Variants in YARS1 observed in about 807,000 individuals in gnomAD.
YARS1 encodes tyrosyl-tRNA synthetase 1, also known as tyrosine--tRNA ligase, cytoplasmic.
A neutral mutation model predicts 62.2 loss-of-function variants in YARS1; 36 were observed. The ratio of observed to expected loss-of-function variants is 0.58; its 90% CI spans 0.44 to 0.76. YARS1 has a LOEUF of 0.76. YARS1 is among the 30% of genes least tolerant of loss of function. The pLI, the probability that YARS1 is intolerant of heterozygous loss-of-function variation, is 0.00. For missense variants in YARS1, 524 were observed against 639.8 expected (o/e 0.82, Z 1.95); for synonymous variants, 234 against 244.9 (o/e 0.96, Z 0.42).
At chr1:32,804,993 C>G (rs1016156609) in intron 4 of YARS1, among the ~76,000 whole-genome samples, 4 of 152,124 alleles carry the variant, frequency 2.6e-5, no homozygotes, top group Admixed American at 6.5e-5. Flanking sequence ...CACCTCGGGA[C>G]GCCGAGGCGG....
chr1:32,787,742 T>G (rs1653282358), intron 6 of YARS1, among the ~76,000 whole-genome samples: 1 of 151,848 alleles, frequency 6.6e-6, no homozygotes. Context: ...CTCGATCTCC[T>G]GACCTCGTGA....
At chr1:32,791,647 C>G (rs149810034) in intron 5 of YARS1, among the ~76,000 whole-genome samples, 1 of 151,950 alleles carries the variant, frequency 6.6e-6, no homozygotes, top group African/African-American at 2.4e-5. Flanking sequence ...ACTAAGAATA[C>G]AAAAATTAGC....
chr1:32,790,513 CAAAAAAAAAAAAAA>C (rs35718370), intron 6 of YARS1: 2 of 65,560 alleles, frequency 3.1e-5, no homozygotes, highest in East Asian at 5.2e-4. Flanking sequence ...GACTCCATCT[CAAAAAAAAAAAAAA>C]AAAAAAAAAA....
chr1:32,816,982 G>GGT, intron 1 of YARS1: 1 of 651,648 alleles, frequency 1.5e-6, no homozygotes, highest in Non-Finnish European at 2.7e-6. Context: ...GGACGCAAGA[G>GGT]GTGAGCCCAC....
chr1:32,798,171 C>T (rs979030033), intron 4 of YARS1: 2 of 337,856 alleles, frequency 5.9e-6, no homozygotes, highest in African/African-American at 4.3e-5. Flanking sequence ...CATGCCCAGC[C>T]TAAACATCTA....
At chr1:32,797,333 C>T (rs1653637406) in intron 5 of YARS1, among the ~76,000 whole-genome samples, 1 of 151,858 alleles carries the variant, frequency 6.6e-6, no homozygotes, top group Admixed American at 6.6e-5. Context: ...GACCGCATTA[C>T]TGCACTCTGG....
chr1:32,806,698 C>T, intron 3 of YARS1, 87 bp from the exon 4 acceptor site: 1 of 1,579,316 alleles, frequency 6.3e-7, no homozygotes, highest in Non-Finnish European at 8.7e-7. Flanking sequence ...AATTTACTTC[C>T]CTAACCTTAG....
intron 4 of YARS1, among the ~76,000 whole-genome samples, chr1:32,801,391 C>T (rs1018203987): frequency 1.3e-5 from 2 of 151,936 alleles, no homozygotes; most frequent in African/African-American, 4.8e-5. Flanking sequence ...TGTGTAATAG[C>T]GTTACATCTA....
In YARS1 at chr1:32,780,276, G is replaced by A. The variant is rs139745541; in HGVS notation, c.1143C>T (p.His381=). ...RVGKIITVEK[H]PDADSLYVEK... ...CTACATACAGGCTGTCTGCATCTGG[G>A]TGCTGCCAGGGAGAGACGTCAGGAG... The change falls in exon 11 of 13, where the codon CAC becomes CAT. Residue 381 remains histidine, a splice_region_variant and synonymous_variant. Transcript: ENST00000373477. 22 of 1,613,954 alleles carry A rather than the reference G, an allele frequency of 1.4e-5. No individual in the cohort carries two copies. In the Admixed American group the frequency reaches 2.5e-4, roughly 18 times the overall value.
At chr1:32,778,478 G>A (rs1251117130) in intron 12 of YARS1, among the ~76,000 whole-genome samples, 1 of 150,768 alleles carries the variant, frequency 6.6e-6, no homozygotes, top group East Asian at 2.0e-4. Flanking sequence ...GCGTGATCTC[G>A]GCTCACTGCA....
At chr1:32,787,512 ATT>A (rs5773386) in intron 6 of YARS1, among the ~76,000 whole-genome samples, 20 of 142,490 alleles carry the variant, frequency 1.4e-4, no homozygotes, top group African/African-American at 1.6e-4. Context: ...ATAAATAAAG[ATT>A]TTTTTTTTTT....
chr1:32,787,352 T>C (rs1653263848), intron 6 of YARS1, among the ~76,000 whole-genome samples: 1 of 151,632 alleles, frequency 6.6e-6, no homozygotes, highest in African/African-American at 2.4e-5. Flanking sequence ...GTCTCAAACT[T>C]CTGGGCTCAA....
intron 12 of YARS1, among the ~76,000 whole-genome samples, chr1:32,778,698 C>T (rs1261844765): frequency 4.7e-5 from 7 of 148,794 alleles, no homozygotes; most frequent in Middle Eastern, 3.8e-3. Context: ...TGAGCCACCA[C>T]GCCCGGCCAA....
At position 32,797,802 on chromosome 1, in the gene YARS1, T is replaced by TCCC. The variant is rs766669287; in HGVS notation, c.551_552insGGG (p.Gly185dup). 6.2e-7 allele frequency: 1 copy of TCCC among 1,614,132 alleles called. No individual in the cohort carries two copies. Among genetic ancestry groups the TCCC allele is most frequent in the Non-Finnish European group, 8.5e-7 (1 of 1,180,016 alleles). On this transcript the variant is annotated inframe_insertion, in exon 5 of 13. Transcript: ENST00000373477. Reference sequence around the variant, plus strand: ...TGAAAATCTTTCTCTGATCAATGCCTCCAAATTGGGCATCTACTTTTAAAT... The same window carrying TCCC: ...TGAAAATCTTTCTCTGATCAATGCCTCCCCCAAATTGGGCATCTACTTTTAAAT...
chr1:32,811,196 G>T (rs1638577372), intron 1 of YARS1, 139 bp from the exon 2 acceptor site: 4 of 1,241,928 alleles, frequency 3.2e-6, no homozygotes, highest in Non-Finnish European at 4.7e-6. Context: ...CATGTTCTCA[G>T]TGCAGATGTG....
chr1:32,792,676 C>T (rs1053642200), intron 5 of YARS1, among the ~76,000 whole-genome samples: 2 of 151,856 alleles, frequency 1.3e-5, no homozygotes, highest in African/African-American at 2.4e-5. Flanking sequence ...GTCAGGAGAT[C>T]GAGACCATCC....
In YARS1 at chr1:32,786,618, C is replaced by G; in HGVS notation, c.821-171G>C. 5 of 764,300 alleles carry G rather than the reference C, an allele frequency of 6.5e-6. No individual in the cohort carries two copies. The South Asian group carries it at 7.7e-5, about 12-fold the overall frequency. 47.3% of individuals were successfully genotyped at this position (764,300 alleles called of 1,614,324 possible). A position where few individuals can be genotyped will look rare whatever the true frequency, so the allele number is the denominator to read the frequency against. ...ATGAGTGGCACTATTGTATACCCAG[C>G]TAGCATCTCAGCTGCTTCAGGGGAA... On this transcript the variant is annotated intron_variant, in intron 7 of 12. Coordinates refer to ENST00000373477, the MANE Select transcript of YARS1 (RefSeq NM_003680.4).
At position 32,782,441 on chromosome 1, in the gene YARS1, T is replaced by C. The variant is rs1463027211; in HGVS notation, c.1005A>G (p.Lys335=). Residue 335 remains lysine (K), a synonymous_variant, in exon 9 of 13, where the codon AAA becomes AAG. Coordinates refer to ENST00000373477, the MANE Select transcript of YARS1 (RefSeq NM_003680.4). ...GATCTGGGTAGGCAGCGCTGGCCAGTTTTTTCAGGGCAGGGGTATTAAACT... is the reference window on the plus strand; with the variant it reads ...GATCTGGGTAGGCAGCGCTGGCCAGCTTTTTCAGGGCAGGGGTATTAAACT... The part of the protein sequence containing the change: ...REKFNTPALK[K]LASAAYPDPS... The C allele has an allele frequency of 3.7e-6, 6 of 1,613,940 alleles. No individual in the cohort carries two copies. The highest frequency in any genetic ancestry group is 5.1e-6 in the Non-Finnish European group (6 of 1,179,984).
At chr1:32,814,222 G>A (rs1316814626) in intron 1 of YARS1, among the ~76,000 whole-genome samples, 1 of 151,966 alleles carries the variant, frequency 6.6e-6, no homozygotes, top group African/African-American at 2.4e-5. Flanking sequence ...ACAGTAAATG[G>A]TACCATCATT....
Sources: allele counts gnomAD v4.1 joint callset (sites outside exome capture counted in the v4.1 genomes callset), GRCh38; gene constraint gnomAD v4.1.1; transcripts MANE v1.5; gene names NCBI Gene and HGNC (gene_info 2026-07-23, HGNC 2026-07-21).